Variants in TBC1D15 observed in about 807,000 individuals in gnomAD.
TBC1D15 encodes the protein GAP for RAB7.
A neutral mutation model predicts 95.4 loss-of-function variants in TBC1D15; 39 were observed. The ratio of observed to expected loss-of-function variants is 0.41; its 90% CI spans 0.32 to 0.53. The LOEUF is 0.53. Among genes scored for constraint, TBC1D15 ranks in the 20% least tolerant of loss-of-function variants. The pLI, the probability that TBC1D15 is intolerant of heterozygous loss-of-function variation, is 0.29. For synonymous variants in TBC1D15, 258 were observed against 261.3 expected (o/e 0.99, Z 0.12); for missense variants, 733 against 794.3 (o/e 0.92, Z 0.93).
At chr12:71,840,691 C>T (rs1361529002) in intron 1 of TBC1D15, among the ~76,000 whole-genome samples, 1 of 152,228 alleles carries the variant, frequency 6.6e-6, no homozygotes, top group African/African-American at 2.4e-5. Flanking sequence ...TGGTTGTTTA[C>T]TCATTGCAGA....
intron 5 of TBC1D15, among the ~76,000 whole-genome samples, chr12:71,885,594 CAG>C (rs1454583469): frequency 3.3e-5 from 5 of 152,114 alleles, no homozygotes; most frequent in East Asian, 3.8e-4. Context: ...GTGAATAAAA[CAG>C]GGGTGTTCCT....
intron 3 of TBC1D15, among the ~76,000 whole-genome samples, chr12:71,875,391 G>C (rs1233552383): frequency 2.0e-5 from 3 of 152,058 alleles, no homozygotes; most frequent in Non-Finnish European, 4.4e-5. Flanking sequence ...ATGAAGTCAA[G>C]TTTATCTATT....
intron 1 of TBC1D15, among the ~76,000 whole-genome samples, chr12:71,841,445 A>G (rs909942790): frequency 8.5e-5 from 13 of 152,178 alleles, no homozygotes; most frequent in Admixed American, 5.9e-4. Flanking sequence ...TTCCATGCCA[A>G]AAGCTGCTCC....
intron 10 of TBC1D15, among the ~76,000 whole-genome samples, chr12:71,898,427 T>C (rs1376003603): frequency 6.6e-6 from 1 of 152,084 alleles, no homozygotes; most frequent in Non-Finnish European, 1.5e-5. Context: ...ATTAAATAAA[T>C]GACTCCAGAT....
chr12:71,860,887 A>G (rs1015602634), intron 1 of TBC1D15, among the ~76,000 whole-genome samples: 2 of 152,094 alleles, frequency 1.3e-5, no homozygotes, highest in African/African-American at 2.4e-5. Context: ...TGTTTCTTCT[A>G]CTAACTTGCT....
intron 12 of TBC1D15, among the ~76,000 whole-genome samples, chr12:71,915,380 G>A (rs1382831662): frequency 1.3e-5 from 2 of 150,140 alleles, no homozygotes; most frequent in Non-Finnish European, 3.0e-5. Context: ...GTTGTTCAAC[G>A]GGTTTTTGTA....
At chr12:71,872,360 TA>T (rs1042783104) in intron 2 of TBC1D15, among the ~76,000 whole-genome samples, 192 bp downstream of exon 2, 2 of 152,168 alleles carry the variant, frequency 1.3e-5, no homozygotes, top group Non-Finnish European at 2.9e-5. Context: ...TATGTCTTGA[TA>T]AACCCATCAT....
intron 5 of TBC1D15, among the ~76,000 whole-genome samples, chr12:71,890,644 G>A (rs1309668740): frequency 6.6e-6 from 1 of 152,118 alleles, no homozygotes; most frequent in African/African-American, 2.4e-5. Flanking sequence ...CAAGCGCCAG[G>A]AAGAGGCTCT....
chr12:71,840,118 C>G (rs891027544), intron 1 of TBC1D15, among the ~76,000 whole-genome samples: 5 of 152,140 alleles, frequency 3.3e-5, no homozygotes, highest in African/African-American at 1.2e-4. Context: ...TTTTTTCCCC[C>G]GATTCACTGT....
chr12:71,876,671 G>T (rs966639576), intron 3 of TBC1D15, among the ~76,000 whole-genome samples: 2 of 151,954 alleles, frequency 1.3e-5, no homozygotes, highest in African/African-American at 4.8e-5. Flanking sequence ...GAGTGCATGG[G>T]AACAAAAACA....
intron 10 of TBC1D15, among the ~76,000 whole-genome samples, chr12:71,906,062 A>G (rs1592806522): frequency 6.6e-6 from 1 of 152,004 alleles, no homozygotes; most frequent in Non-Finnish European, 1.5e-5. Context: ...TGGTAGAGAC[A>G]GGGTTTCGCC....
At chr12:71,894,610 T>A in intron 6 of TBC1D15, 76 bp from the exon 7 acceptor site, 1 of 1,340,634 alleles carries the variant, frequency 7.5e-7, no homozygotes. Context: ...AAAGCTTTGC[T>A]TTTTTGCTCA....
rs184104088 is a variant in TBC1D15, at chr12:71,841,145, T to G, written c.30+1334T>G. On this transcript the variant is annotated intron_variant, in intron 1 of 16. Coordinates refer to ENST00000485960, the MANE Select transcript of TBC1D15 (RefSeq NM_001146213.3). Reference sequence around the variant, plus strand: ...CTTGACTTACTGCGTATTTGAAGATTATCCTGTTTGATTTTCCATCTAAAC... The same window carrying G: ...CTTGACTTACTGCGTATTTGAAGATGATCCTGTTTGATTTTCCATCTAAAC... 2.6e-5 allele frequency: 4 copies of G among 152,266 alleles called. No individual in the cohort carries two copies. The East Asian group carries it at 7.7e-4, about 29-fold the overall frequency. The allele number at this position is 152,266 out of a possible 1,614,324, so 9.4% of individuals were successfully genotyped here.
intron 5 of TBC1D15, among the ~76,000 whole-genome samples, chr12:71,891,694 C>T (rs1897230480): frequency 6.6e-6 from 1 of 152,070 alleles, no homozygotes; most frequent in South Asian, 2.1e-4. Flanking sequence ...CCCTCCATCA[C>T]ACAACAATAG....
At chr12:71,842,848 A>C (rs1028997700) in intron 1 of TBC1D15, among the ~76,000 whole-genome samples, 1 of 149,768 alleles carries the variant, frequency 6.7e-6, no homozygotes, top group Non-Finnish European at 1.5e-5. Context: ...AAAAAAAAAA[A>C]AGAAAAGAAA....
chr12:71,850,321 C>A (rs752075409), intron 1 of TBC1D15: 2 of 412,274 alleles, frequency 4.9e-6, no homozygotes, highest in Non-Finnish European at 9.3e-6. Flanking sequence ...GTTTGAAAGA[C>A]ATCAGAAGTT....
intron 11 of TBC1D15, among the ~76,000 whole-genome samples, chr12:71,911,656 G>T (rs1902383143): frequency 6.7e-6 from 1 of 149,940 alleles, no homozygotes; most frequent in African/African-American, 2.5e-5. Context: ...ATAGCATTAG[G>T]AGATATACCT....
Position 71,921,432 on chromosome 12 carries a change from C to T in TBC1D15, c.1781C>T (p.Ser594Phe), listed in dbSNP as rs1869289486. ...EDILCKAEAI[S>F]LQMVKCKELP... ...ATACTCTGCAAGGCAGAAGCAATTT[C>T]TCTACAGATGGTAAAATGCAAGGTA... Residue 594 changes from serine to phenylalanine, a missense_variant, in exon 16 of 17, where the codon TCT becomes TTT. Coordinates refer to ENST00000485960, the MANE Select transcript of TBC1D15 (RefSeq NM_001146213.3). 6.4e-7 allele frequency: 1 copy of T among 1,565,918 alleles called. No individual in the cohort carries two copies. Among genetic ancestry groups the T allele is most frequent in the African/African-American group, 1.4e-5 (1 of 73,964 alleles).
intron 1 of TBC1D15, chr12:71,849,472 C>G (rs1887209530): frequency 1.1e-6 from 1 of 891,706 alleles, no homozygotes; most frequent in Non-Finnish European, 1.9e-6. Flanking sequence ...AAACTCATTC[C>G]AAAAGCAACT....
Sources: allele counts gnomAD v4.1 joint callset (sites outside exome capture counted in the v4.1 genomes callset), GRCh38; gene constraint gnomAD v4.1.1; transcripts MANE v1.5; gene names NCBI Gene and HGNC (gene_info 2026-07-23, HGNC 2026-07-21).